The following PRKD1 variants were observed in gnomAD, a reference collection of about 807,000 sequenced individuals.
The protein encoded by PRKD1 is protein kinase D1.
A neutral mutation model predicts 95.9 loss-of-function variants in PRKD1; 63 were observed. The observed-to-expected ratio is 0.66, with a 90% confidence interval of 0.54 to 0.81. The LOEUF is 0.81. Among genes scored for constraint, PRKD1 ranks in the 30% least tolerant of loss-of-function variants. PRKD1 has a pLI of 0.00. For missense variants in PRKD1, 1,048 were observed against 1,165.3 expected (o/e 0.90, Z 1.47); for synonymous variants, 425 against 423.1 (o/e 1.00, Z -0.05).
chr14:29,898,114 A>T (rs10498312), intron 1 of PRKD1, among the ~76,000 whole-genome samples: 34,960 of 152,014 alleles, frequency 0.23, 7,634 homozygotes, highest in African/African-American at 0.58. Context: ...ATTTAGAAGA[A>T]TTTTTATACT....
intron 2 of PRKD1, among the ~76,000 whole-genome samples, chr14:29,669,720 T>A (rs976712583): frequency 6.6e-6 from 1 of 151,958 alleles, no homozygotes; most frequent in Non-Finnish European, 1.5e-5. Flanking sequence ...ATACAAAAAT[T>A]AGCTGGGCAT....
intron 1 of PRKD1, among the ~76,000 whole-genome samples, chr14:29,764,508 A>T (rs1419681863): frequency 6.6e-6 from 1 of 152,114 alleles, no homozygotes; most frequent in Non-Finnish European, 1.5e-5. Flanking sequence ...ACAGTTCTGG[A>T]GGCTGGGAAG....
At chr14:29,787,027 C>T (rs1175087372) in intron 1 of PRKD1, among the ~76,000 whole-genome samples, 1 of 151,774 alleles carries the variant, frequency 6.6e-6, no homozygotes, top group Non-Finnish European at 1.5e-5. Context: ...GTAAGTTGTT[C>T]TTCAATTTTC....
At chr14:29,707,267 G>A (rs1885137669) in intron 2 of PRKD1, among the ~76,000 whole-genome samples, 1 of 152,068 alleles carries the variant, frequency 6.6e-6, no homozygotes, top group Admixed American at 6.6e-5. Flanking sequence ...TGAAATGAGA[G>A]GGAACAAAAC....
At chr14:29,801,341 GA>G (rs1246941023) in intron 1 of PRKD1, among the ~76,000 whole-genome samples, 1 of 152,198 alleles carries the variant, frequency 6.6e-6, no homozygotes, top group Admixed American at 6.5e-5. Context: ...GCAACACACA[GA>G]TAAGTGTTTA....
chr14:29,649,430 TA>T (rs1190473258), intron 4 of PRKD1, among the ~76,000 whole-genome samples: 2 of 145,218 alleles, frequency 1.4e-5, no homozygotes, highest in African/African-American at 2.6e-5. Flanking sequence ...CAAGTTTTTC[TA>T]ATTTTTTTTT....
intron 1 of PRKD1, among the ~76,000 whole-genome samples, chr14:29,837,264 A>G (rs1437914073): frequency 1.3e-5 from 2 of 152,208 alleles, no homozygotes; most frequent in Non-Finnish European, 2.9e-5. Flanking sequence ...AAAAATGAAC[A>G]AACAAACTCT....
chr14:29,584,949 CA>C (rs1202374887), intron 16 of PRKD1, among the ~76,000 whole-genome samples: 2 of 152,186 alleles, frequency 1.3e-5, no homozygotes, highest in African/African-American at 4.8e-5. Flanking sequence ...CTCTCCACCC[CA>C]AATTATTCAG....
chr14:29,676,005 A>T (rs12323725), intron 2 of PRKD1, among the ~76,000 whole-genome samples: 1 of 138,960 alleles, frequency 7.2e-6, no homozygotes, highest in Admixed American at 7.4e-5. Flanking sequence ...GGGAGGGATA[A>T]CATTAGGAGA....
intron 1 of PRKD1, among the ~76,000 whole-genome samples, chr14:29,781,787 C>A (rs1594513356): frequency 2.6e-5 from 4 of 152,304 alleles, no homozygotes; most frequent in African/African-American, 2.4e-5. Context: ...TAGAACACAC[C>A]TTTACTAAAG....
rs188529634 is a variant in PRKD1 at position 29,801,770 on chromosome 14, C to T, written c.265-76096G>A. Among the ~76,000 whole-genome samples, 610 of 152,200 alleles carry T rather than the reference C, an allele frequency of 4.0e-3. 5 individuals are homozygous for T. The highest frequency in any genetic ancestry group is 0.014 in the African/African-American group (565 of 41,546). On this transcript the variant is annotated intron_variant, in intron 1 of 17. Coordinates refer to ENST00000331968, the MANE Select transcript of PRKD1 (RefSeq NM_002742.3). ...ATGGCACAATCTCGGCTCATCGCAACCTCCGCCTCCCAGGTTCAAGCGTTT... is the reference window on the plus strand; with the variant it reads ...ATGGCACAATCTCGGCTCATCGCAATCTCCGCCTCCCAGGTTCAAGCGTTT...
intron 1 of PRKD1, among the ~76,000 whole-genome samples, chr14:29,781,253 T>C (rs148673881): frequency 0.02 from 3,090 of 152,072 alleles, 108 homozygotes; most frequent in Admixed American, 0.088. Context: ...CAAACCTGCA[T>C]GTTATGCACA....
At chr14:29,578,969 T>A (rs929614098) in intron 16 of PRKD1, among the ~76,000 whole-genome samples, 9 of 152,098 alleles carry the variant, frequency 5.9e-5, no homozygotes, top group African/African-American at 2.2e-4. Context: ...ACCAATGTAT[T>A]GGAATTATAT....
intron 1 of PRKD1, among the ~76,000 whole-genome samples, chr14:29,919,976 G>C (rs1440902118): frequency 3.3e-5 from 5 of 149,664 alleles, no homozygotes; most frequent in African/African-American, 1.2e-4. Flanking sequence ...AAGAGAGAGA[G>C]AGAGAGAGAA....
chr14:29,724,992 C>A (rs1193787120), intron 2 of PRKD1, among the ~76,000 whole-genome samples: 1 of 152,130 alleles, frequency 6.6e-6, no homozygotes, highest in African/African-American at 2.4e-5. Flanking sequence ...TGAGCAGAGG[C>A]AAATGTAGCC....
rs149438905 is a variant in PRKD1, at chr14:29,849,024, A to C, written c.264+78225T>G. Among the ~76,000 whole-genome samples the C allele has an allele frequency of 5.2e-3, 799 of 152,334 alleles. 2 individuals carry two copies. The highest frequency in any genetic ancestry group is 0.013 in the Admixed American group (195 of 15,296). ...CCAGAGAAATACAAAAGATCCTCAG[A>C]GACTATTATGAACACCTCTTGATAT... On this transcript the variant is annotated intron_variant, in intron 1 of 17. Coordinates refer to ENST00000331968, the MANE Select transcript of PRKD1 (RefSeq NM_002742.3).
intron 13 of PRKD1, among the ~76,000 whole-genome samples, chr14:29,608,337 AAAAT>A (rs1238116786): frequency 6.6e-6 from 1 of 152,180 alleles, no homozygotes; most frequent in African/African-American, 2.4e-5. Flanking sequence ...TAGTGAATGA[AAAAT>A]AAACTTTCAG....
At chr14:29,666,918 G>A (rs1392281931) in intron 2 of PRKD1, among the ~76,000 whole-genome samples, 3 of 152,062 alleles carry the variant, frequency 2.0e-5, no homozygotes, top group Non-Finnish European at 4.4e-5. Flanking sequence ...GTTGCTTACT[G>A]TTGCTTATTC....
chr14:29,725,645 A>AC lies in PRKD1; in HGVS notation c.293_294insG (p.Tyr98Ter). The AC allele has an allele frequency of 6.2e-7, 1 of 1,613,742 alleles. No individual in the cohort carries two copies. Among genetic ancestry groups the AC allele is most frequent in the Non-Finnish European group, 8.5e-7 (1 of 1,179,730 alleles). Reference protein sequence around the residue: ...KFPECGFYGMYDKILLFRHDP... With the variant: ...KFPECGFYGM ...CATGGCGAAAAAGCAGGATCTTATCATACATTCCGTAGAAACCACATTCAG... is the reference window on the plus strand; with the variant it reads ...CATGGCGAAAAAGCAGGATCTTATCACTACATTCCGTAGAAACCACATTCAG... Residue 98 changes from tyrosine (Y) to a stop codon, truncating the protein, a stop_gained and frameshift_variant, in exon 2 of 18, where the codon TAT (tyrosine) becomes TAGT (stop). Transcript: ENST00000331968. LOFTEE classifies it high-confidence loss of function.
Sources: allele counts gnomAD v4.1 joint callset (sites outside exome capture counted in the v4.1 genomes callset), GRCh38; gene constraint gnomAD v4.1.1; transcripts MANE v1.5; gene names NCBI Gene and HGNC (gene_info 2026-07-23, HGNC 2026-07-21).